Variants in ZNF432 observed in about 807,000 individuals in gnomAD.
ZNF432 encodes the protein zinc finger protein 432.
In ZNF432, 10 loss-of-function variants were observed where a neutral mutation model predicts 13.9. That is an observed-to-expected ratio of 0.72 (90% CI 0.44 to 1.22). The LOEUF (loss-of-function observed/expected upper bound fraction) is 1.22, where lower values mean the gene tolerates loss of function less well. ZNF432 is among the 50% of genes most tolerant of loss of function. The pLI, the probability that ZNF432 is intolerant of heterozygous loss-of-function variation, is 0.00. For synonymous variants in ZNF432, 247 were observed against 256.2 expected, an observed-to-expected ratio of 0.96 and a Z score of 0.34; for missense variants, 793 against 796.2, an observed-to-expected ratio of 1.00 and a Z score of 0.05.
intron 4 of ZNF432, 91 bp from the exon 5 acceptor site, chr19:52,035,531 G>C (rs993859805): frequency 2.3e-5 from 24 of 1,065,918 alleles, no homozygotes; most frequent in Non-Finnish European, 3.1e-5. Context: ...GTTTTATTTT[G>C]TTTATTATTA....
intron 4 of ZNF432, among the ~76,000 whole-genome samples, chr19:52,037,418 T>C (rs968389048): frequency 2.0e-5 from 3 of 152,172 alleles, no homozygotes; most frequent in African/African-American, 7.2e-5. Context: ...CAGTGTACCA[T>C]GTAGTTGCCT....
At chr19:52,036,706 T>G (rs776254750) in intron 4 of ZNF432, among the ~76,000 whole-genome samples, 2 of 152,094 alleles carry the variant, frequency 1.3e-5, no homozygotes, top group African/African-American at 2.4e-5. Context: ...AGGGTCTCAC[T>G]GTCACCCAGG....
At chr19:52,045,792 C>T (rs796156535) in intron 2 of ZNF432, among the ~76,000 whole-genome samples, 3 of 150,786 alleles carry the variant, frequency 2.0e-5, no homozygotes, top group African/African-American at 7.3e-5. Context: ...GTCAGGAGTT[C>T]GAGACCAGCC....
chr19:52,043,916 T>C (rs923189993), intron 2 of ZNF432, among the ~76,000 whole-genome samples: 2 of 152,172 alleles, frequency 1.3e-5, no homozygotes, highest in Non-Finnish European at 2.9e-5. Flanking sequence ...GAAACACCCA[T>C]GAATGATCAA....
rs1006621194 is a variant in ZNF432, at chr19:52,041,723, G to T, written c.16-117C>A. 8.3e-6 allele frequency: 10 copies of T among 1,205,794 alleles called. No individual in the cohort carries two copies. The African/African-American group carries it at 1.2e-4, about 15-fold the overall frequency. The allele number at this position is 1,205,794 out of a possible 1,614,324, so 74.7% of individuals were successfully genotyped here. Reference sequence around the variant, plus strand: ...ACATATAGACTGCATCCATCTATAAGTCTATTGTATTTTTTAATATTGCCA... The same window carrying T: ...ACATATAGACTGCATCCATCTATAATTCTATTGTATTTTTTAATATTGCCA... On this transcript the variant is annotated intron_variant, in intron 2 of 4. Coordinates refer to ENST00000221315, the MANE Select transcript of ZNF432 (RefSeq NM_014650.4).
chr19:52,045,637 G>A (rs1600055787), intron 2 of ZNF432, among the ~76,000 whole-genome samples: 1 of 151,066 alleles, frequency 6.6e-6, no homozygotes, highest in South Asian at 2.1e-4. Flanking sequence ...TTACAGGCGT[G>A]AGCCACTGTG....
intron 1 of ZNF432, 149 bp downstream of exon 1, chr19:52,048,546 A>C (rs2087216865): frequency 6.6e-6 from 1 of 151,702 alleles, no homozygotes; most frequent in Non-Finnish European, 1.5e-5. Flanking sequence ...CCCACCAGGG[A>C]CTCCTACCAG....
At chr19:52,036,780 C>T (rs145184088) in intron 4 of ZNF432, among the ~76,000 whole-genome samples, 7,957 of 152,184 alleles carry the variant, frequency 0.052, 662 homozygotes, top group African/African-American at 0.18. Context: ...AAGCAATTCT[C>T]CCACCTCAGC....
At chr19:52,043,988 G>C (rs28560197) in intron 2 of ZNF432, among the ~76,000 whole-genome samples, 11,370 of 151,988 alleles carry the variant, frequency 0.075, 1,335 homozygotes, top group African/African-American at 0.25. Flanking sequence ...TGGTTCCCCG[G>C]GTCCCCTTAT....
At chr19:52,038,615 A>G (rs1600051484) in intron 4 of ZNF432, among the ~76,000 whole-genome samples, 1 of 152,100 alleles carries the variant, frequency 6.6e-6, no homozygotes, top group East Asian at 1.9e-4. Context: ...AATTCATGTC[A>G]CCATCTTCCT....
At position 52,035,375 on chromosome 19, in the gene ZNF432, CCA is replaced by C; in HGVS notation, c.302_303del (p.Val101GlyfsTer5). On this transcript the variant is annotated frameshift_variant, in exon 5 of 5. Coordinates refer to ENST00000221315, the MANE Select transcript of ZNF432 (RefSeq NM_014650.4). LOFTEE classifies it low-confidence loss of function (END_TRUNC). ...AATGCATTATGTTCATGGTATTGTT[CCA>C]CACTCTTCAGCATCCTTTGATTTTC... ...HLENQRMLKS[V>X]EQYHEHNAFG... is the part of the protein sequence containing the mutation. 6.3e-7 allele frequency: 1 copy of C among 1,598,444 alleles called. No homozygotes were observed. Among genetic ancestry groups the C allele is most frequent in the Admixed American group, 1.8e-5 (1 of 55,448 alleles).
chr19:52,045,921 G>C (rs1412601270), intron 2 of ZNF432, among the ~76,000 whole-genome samples: 1 of 150,420 alleles, frequency 6.6e-6, no homozygotes, highest in African/African-American at 2.4e-5. Context: ...CTTGAACCCA[G>C]GACGTGGAGG....
At chr19:52,037,562 C>G (rs2087094715) in intron 4 of ZNF432, among the ~76,000 whole-genome samples, 2 of 152,062 alleles carry the variant, frequency 1.3e-5, no homozygotes, top group South Asian at 4.1e-4. Context: ...TTTAGGAGGT[C>G]AAGGTGGGCA....
chr19:52,033,954 T>C lies in ZNF432; in HGVS notation c.1725A>G (p.Gly575=), dbSNP rs2087041699. 1 of 1,613,942 alleles carries C rather than the reference T, an allele frequency of 6.2e-7. No homozygotes were observed. Among genetic ancestry groups the C allele is most frequent in the Admixed American group, 1.7e-5 (1 of 59,994 alleles). ...EEKSCICSEC[G]RGFAKETELA... Reference sequence around the variant, plus strand: ...GCTCTGTTTCCTTGGCAAAGCCTCTTCCACATTCACTACATATACAAGATT... The same window carrying C: ...GCTCTGTTTCCTTGGCAAAGCCTCTCCCACATTCACTACATATACAAGATT... The change falls in exon 5 of 5, where the codon GGA becomes GGG. Residue 575 remains glycine, a synonymous_variant. Coordinates refer to ENST00000221315, the MANE Select transcript of ZNF432 (RefSeq NM_014650.4).
rs908066160 is a variant in ZNF432 at position 52,048,751 on chromosome 19, T to C, written c.-249A>G. ...AAAAGCTGAACTTACTTCCCTAAAC[T>C]TCTTCCACTTCTGGGCCCCTCGCCC... On this transcript the variant is annotated 5_prime_UTR_variant, in exon 1 of 5. Transcript: ENST00000221315. 9 of 152,768 alleles carry C rather than the reference T, an allele frequency of 5.9e-5. No individual in the cohort carries two copies. The highest frequency in any genetic ancestry group is 2.2e-4 in the African/African-American group (9 of 41,452). The allele number at this position is 152,768 out of a possible 1,614,324, so 9.5% of individuals were successfully genotyped here.
chr19:52,045,882 C>A (rs1195232617), intron 2 of ZNF432, among the ~76,000 whole-genome samples: 1 of 151,268 alleles, frequency 6.6e-6, no homozygotes, highest in Non-Finnish European at 1.5e-5. Flanking sequence ...GTAATCCCAG[C>A]TACTCAGGAA....
chr19:52,040,002 CTT>C (rs1339632320), intron 4 of ZNF432, among the ~76,000 whole-genome samples: 1 of 151,420 alleles, frequency 6.6e-6, no homozygotes, highest in Non-Finnish European at 1.5e-5. Context: ...GAAAAATAAA[CTT>C]TAAATTGGAA....
chr19:52,041,524 T>A lies in ZNF432; in HGVS notation c.98A>T (p.Tyr33Phe). 6.2e-7 allele frequency: 1 copy of A among 1,612,674 alleles called. No individual in the cohort carries two copies. The highest frequency in any genetic ancestry group is 8.5e-7 in the Non-Finnish European group (1 of 1,179,260). ...GTAGATCTCCAACATCACATCCCGG[T>A]ACAAATCCTTCTGAAAAGGGCCCAG... is the stretch of plus-strand genomic sequence containing the variant. ...QLLGPFQKDL[Y>F]RDVMLEIYSN... The change falls in exon 3 of 5, where the codon TAC becomes TTC. Residue 33 changes from tyrosine (Y) to phenylalanine (F), a missense_variant. Tyr to Phe is a conservative substitution (Grantham distance 22). Coordinates refer to ENST00000221315, the MANE Select transcript of ZNF432 (RefSeq NM_014650.4).
rs2087043877 is a variant in ZNF432, at chr19:52,034,089, T to C, written c.1590A>G (p.Val530=). The C allele has an allele frequency of 6.2e-7, 1 of 1,614,186 alleles. No homozygotes were observed. The highest frequency in any genetic ancestry group is 8.5e-7 in the Non-Finnish European group (1 of 1,179,984). ...KGFAFKSNLV[V]HQRTHTGEKP... ...TCTCTCCAGTATGAGTTCGCTGGTG[T>C]ACAACAAGATTGCTCTTAAAGGCAA... The change falls in exon 5 of 5, where the codon GTA becomes GTG. Residue 530 remains valine, a synonymous_variant. Coordinates refer to ENST00000221315, the MANE Select transcript of ZNF432 (RefSeq NM_014650.4).
Sources: gnomAD v4.1 joint callset for allele counts (sites outside exome capture counted in the v4.1 genomes callset) on GRCh38, gnomAD v4.1.1 for gene constraint, MANE v1.5 for transcripts, NCBI Gene and HGNC (gene_info 2026-07-23, HGNC 2026-07-21) for gene names.